Variants in CCDC149 observed in about 807,000 individuals in gnomAD.
CCDC149 encodes the protein coiled-coil domain-containing protein 149.
Under a neutral mutation model 59.9 loss-of-function variants are expected in CCDC149, and 45 were observed. The observed-to-expected ratio is 0.75, with a 90% CI of 0.59 to 0.96. The LOEUF is 0.96. Ranked by LOEUF, CCDC149 falls within the 40% of genes least tolerant of loss-of-function variation. CCDC149 has a pLI of 0.00. For missense variants in CCDC149, 584 were observed against 664.7 expected (o/e 0.88, Z 1.33); for synonymous variants, 245 against 260.6 (o/e 0.94, Z 0.58).
chr4:24,908,985 T>C (rs1278472875), intron 1 of CCDC149, among the ~76,000 whole-genome samples: 5 of 152,240 alleles, frequency 3.3e-5, no homozygotes, highest in Admixed American at 3.3e-4. Flanking sequence ...TCACCTCAGG[T>C]GGCGATAAGA....
chr4:24,819,727 A>T, intron 12 of CCDC149, 132 bp downstream of exon 12: 1 of 736,064 alleles, frequency 1.4e-6, no homozygotes, highest in Admixed American at 2.1e-5. Flanking sequence ...CAACAAGAGG[A>T]AATCTGAGGA....
At chr4:24,823,281 C>T (rs1715527211) in intron 9 of CCDC149, among the ~76,000 whole-genome samples, 1 of 152,150 alleles carries the variant, frequency 6.6e-6, no homozygotes. Context: ...TTCTGAGTCA[C>T]TAAGATATAC....
intron 1 of CCDC149, among the ~76,000 whole-genome samples, chr4:24,892,867 G>C (rs1720608149): frequency 6.6e-6 from 1 of 152,164 alleles, no homozygotes; most frequent in Non-Finnish European, 1.5e-5. Context: ...CAGTTCTGTA[G>C]GCTAGGAAGT....
intron 1 of CCDC149, among the ~76,000 whole-genome samples, chr4:24,894,300 G>T (rs751357431): frequency 6.6e-6 from 1 of 152,318 alleles, no homozygotes; most frequent in South Asian, 2.1e-4. Context: ...ATAATAATAA[G>T]AGTAGTGGTA....
chr4:24,958,510 C>T (rs1394651859), intron 1 of CCDC149, among the ~76,000 whole-genome samples: 1 of 152,206 alleles, frequency 6.6e-6, no homozygotes, highest in Non-Finnish European at 1.5e-5. Context: ...ATTCTATCAA[C>T]TATTCCACCA....
chr4:24,970,067 T>C (rs960809791), intron 1 of CCDC149, among the ~76,000 whole-genome samples: 1 of 152,174 alleles, frequency 6.6e-6, no homozygotes, highest in Non-Finnish European at 1.5e-5. Context: ...GTTTTGCCCA[T>C]GGCAAAAACC....
In CCDC149 at chr4:24,837,324, T is replaced by C; in HGVS notation, c.566A>G (p.Gln189Arg). 6.2e-7 allele frequency: 1 copy of C among 1,614,216 alleles called. No homozygotes were observed. The highest frequency in any genetic ancestry group is 1.7e-5 in the Admixed American group (1 of 60,030). ...CTGGTTGAGCCTCTCCACTTTGTCC[T>C]GGTAGGAAGACCGTTCTTCTTTAAC... The change falls in exon 6 of 13, where the codon CAG becomes CGG. Residue 189 changes from glutamine to arginine, a missense_variant. Transcript: ENST00000635206. The surrounding 1 kb of genome is among the most constrained non-coding windows in gnomAD (Gnocchi z 4.3).
Position 24,952,595 on chromosome 4 carries a change from CAAAAAAA to C in CCDC149, c.-65+27467_-65+27473del, listed in dbSNP as rs869310845. Among the ~76,000 whole-genome samples the C allele has an allele frequency of 1.1e-3, 46 of 41,406 alleles. 1 individual carries two copies. Among genetic ancestry groups the C allele is most frequent in the African/African-American group, 5.2e-3 (42 of 8,068 alleles). 27.2% of individuals were successfully genotyped at this position (41,406 alleles called of 152,430 possible). ...TGGGCGAAAGATCAAAACTCCATCT[CAAAAAAA>C]AAAAAAAAAAAAAAAAAAAAAAAAA... On this transcript the variant is annotated intron_variant, in intron 1 of 12. Coordinates refer to the CCDC149 transcript ENST00000389609.
At chr4:24,910,492 T>G (rs909771229) in intron 1 of CCDC149, among the ~76,000 whole-genome samples, 3 of 152,084 alleles carry the variant, frequency 2.0e-5, no homozygotes, top group Admixed American at 1.3e-4. Flanking sequence ...TACAGTAAAT[T>G]TGGGAGAGAC....
chr4:24,949,739 C>G (rs1243887729), intron 1 of CCDC149, among the ~76,000 whole-genome samples: 1 of 152,162 alleles, frequency 6.6e-6, no homozygotes, highest in African/African-American at 2.4e-5. Flanking sequence ...GCTCTGTCAA[C>G]CTGAGAGAAA....
At chr4:24,860,052 T>G (rs1202477172) in intron 3 of CCDC149, among the ~76,000 whole-genome samples, 1 of 152,082 alleles carries the variant, frequency 6.6e-6, no homozygotes, top group Non-Finnish European at 1.5e-5. Flanking sequence ...CAATTCCCAT[T>G]AAAGTACCAT....
intron 1 of CCDC149, among the ~76,000 whole-genome samples, chr4:24,882,187 C>A (rs1053347990): frequency 6.6e-6 from 1 of 152,112 alleles, no homozygotes; most frequent in African/African-American, 2.4e-5. Context: ...AGATGCAAAG[C>A]CTGAAGGAAG....
chr4:24,842,195 T>C (rs1716979427), intron 4 of CCDC149, among the ~76,000 whole-genome samples: 1 of 152,210 alleles, frequency 6.6e-6, no homozygotes, highest in Non-Finnish European at 1.5e-5. Context: ...TTCTCTTTGA[T>C]ACTTAGCACA....
intron 3 of CCDC149, among the ~76,000 whole-genome samples, chr4:24,860,374 G>A (rs1206543701): frequency 6.6e-6 from 1 of 152,180 alleles, no homozygotes; most frequent in Non-Finnish European, 1.5e-5. Context: ...ACGGTGCTGT[G>A]ATAATTGGAA....
intron 3 of CCDC149, among the ~76,000 whole-genome samples, chr4:24,866,544 C>T (rs1310804698): frequency 3.3e-5 from 5 of 152,084 alleles, no homozygotes; most frequent in Admixed American, 6.5e-5. Context: ...TGCAAAGGGG[C>T]GCTCTGTGTA....
chr4:24,879,125 T>C (rs1035028956), intron 1 of CCDC149, among the ~76,000 whole-genome samples: 1 of 152,216 alleles, frequency 6.6e-6, no homozygotes. Flanking sequence ...ATTTGTAAAG[T>C]AGCTCGAAGC....
intron 1 of CCDC149, among the ~76,000 whole-genome samples, chr4:24,958,098 C>A (rs1157727071): frequency 6.6e-6 from 1 of 152,182 alleles, no homozygotes; most frequent in African/African-American, 2.4e-5. Flanking sequence ...GTCACAGTGG[C>A]AGATATAGAA....
intron 4 of CCDC149, among the ~76,000 whole-genome samples, chr4:24,851,775 G>A (rs2109180680): frequency 6.6e-6 from 1 of 152,190 alleles, no homozygotes; most frequent in East Asian, 1.9e-4. Context: ...GAGGAAGTGA[G>A]TAAGAAGGTC....
At chr4:24,952,598 A>T (rs1204049517) in intron 1 of CCDC149, among the ~76,000 whole-genome samples, 2 of 42,990 alleles carry the variant, frequency 4.7e-5, no homozygotes, top group East Asian at 1.0e-3. Context: ...TCCATCTCAA[A>T]AAAAAAAAAA....
Sources: allele counts gnomAD v4.1 joint callset (sites outside exome capture counted in the v4.1 genomes callset), GRCh38; gene constraint gnomAD v4.1.1; non-coding constraint Gnocchi (gnomAD v3.1); transcripts MANE v1.5; gene names NCBI Gene and HGNC (gene_info 2026-07-23, HGNC 2026-07-21).